Variants in UBE2W observed in about 807,000 individuals in gnomAD.
UBE2W encodes the protein ubiquitin conjugating enzyme E2 W.
In UBE2W, 18 loss-of-function variants were observed where a neutral mutation model predicts 27.2. That is an observed-to-expected ratio of 0.66 (90% CI 0.46 to 0.98). The LOEUF (loss-of-function observed/expected upper bound fraction) is 0.98. Among genes scored for constraint, UBE2W ranks in the 50% least tolerant of loss-of-function variants. The pLI is 0.00. For missense variants in UBE2W, 90 were observed against 180.2 expected, an observed-to-expected ratio of 0.50 and a Z score of 2.87; for synonymous variants, 53 against 57.2, an observed-to-expected ratio of 0.93 and a Z score of 0.33.
At chr8:73,805,237 T>C (rs1029862660) in intron 5 of UBE2W, among the ~76,000 whole-genome samples, 1 of 150,276 alleles carries the variant, frequency 6.7e-6, no homozygotes, top group Admixed American at 6.6e-5. Context: ...GCAGATCACC[T>C]GAGGTCAGGA....
chr8:73,841,921 C>A (rs1320767167), intron 1 of UBE2W, among the ~76,000 whole-genome samples: 1 of 152,014 alleles, frequency 6.6e-6, no homozygotes, highest in Non-Finnish European at 1.5e-5. Flanking sequence ...GAAAAAAATT[C>A]TCCCCTGAAA....
At chr8:73,809,448 G>C (rs1054123371) in intron 4 of UBE2W, among the ~76,000 whole-genome samples, 2 of 152,094 alleles carry the variant, frequency 1.3e-5, no homozygotes, top group Non-Finnish European at 2.9e-5. Context: ...GGATTTAAGA[G>C]GGGTTTTAAA....
intron 5 of UBE2W, among the ~76,000 whole-genome samples, chr8:73,795,406 C>A (rs1563569526): frequency 6.6e-6 from 1 of 152,154 alleles, no homozygotes; most frequent in Non-Finnish European, 1.5e-5. Context: ...TGCCTGCTCT[C>A]CCTTCACCCT....
chr8:73,830,630 G>C (rs1810030060), intron 1 of UBE2W, among the ~76,000 whole-genome samples, 158 bp from the exon 2 acceptor site: 1 of 151,780 alleles, frequency 6.6e-6, no homozygotes, highest in African/African-American at 2.4e-5. Flanking sequence ...GAGACTACAG[G>C]CACACACCAC....
At chr8:73,808,430 G>A (rs1809010357) in intron 4 of UBE2W, among the ~76,000 whole-genome samples, 1 of 152,132 alleles carries the variant, frequency 6.6e-6, no homozygotes, top group Non-Finnish European at 1.5e-5. Context: ...ACAGGGTTTA[G>A]CCATTTTGCC....
Position 73,787,038 on chromosome 8 carries a change from TCCTA to T in UBE2W, c.*7060_*7063del, listed in dbSNP as rs1307540910. 29 of 985,440 alleles carry T rather than the reference TCCTA, an allele frequency of 2.9e-5. No homozygotes were observed. Among genetic ancestry groups the T allele is most frequent in the Middle Eastern group, 5.2e-4 (1 of 1,914 alleles). 61.0% of individuals were successfully genotyped at this position (985,440 alleles called of 1,614,324 possible). On this transcript the variant is annotated 3_prime_UTR_variant, in exon 6 of 6. Coordinates refer to ENST00000602593, the MANE Select transcript of UBE2W (RefSeq NM_018299.6). ...CCAGATACAGACATGAGAAGATATT[TCCTA>T]CCTTAGTTGATAAACTTTCCTTATT... is the stretch of plus-strand genomic sequence containing the variant.
chr8:73,791,207 T>C lies in UBE2W; in HGVS notation c.*2895A>G. On this transcript the variant is annotated 3_prime_UTR_variant, in exon 6 of 6. Transcript: ENST00000602593. ...TAAAATGTATTTTTAAAAAATTCTC[T>C]TAAAAACTGAAAACAATCCTTCTCT... is the stretch of plus-strand genomic sequence containing the variant. 4.1e-6 allele frequency: 4 copies of C among 984,086 alleles called. No individual in the cohort carries two copies. In the South Asian group the frequency reaches 1.9e-4, roughly 46 times the overall value. 61.0% of individuals were successfully genotyped at this position (984,086 alleles called of 1,614,324 possible). A position where few individuals can be genotyped will look rare whatever the true frequency, so the allele number is the denominator to read the frequency against.
intron 1 of UBE2W, among the ~76,000 whole-genome samples, chr8:73,876,653 A>G (rs1021698694): frequency 1.3e-5 from 2 of 152,224 alleles, no homozygotes; most frequent in African/African-American, 4.8e-5. Flanking sequence ...ACTGTCAATC[A>G]AGTATTTGTT....
intron 5 of UBE2W, among the ~76,000 whole-genome samples, chr8:73,796,272 A>G (rs983925473): frequency 1.3e-5 from 2 of 152,146 alleles, no homozygotes; most frequent in African/African-American, 4.8e-5. Context: ...AAGCTAAAAG[A>G]TGGCACTAAA....
At chr8:73,809,514 G>A (rs962378482) in intron 4 of UBE2W, among the ~76,000 whole-genome samples, 4 of 152,274 alleles carry the variant, frequency 2.6e-5, no homozygotes, top group Non-Finnish European at 5.9e-5. Flanking sequence ...AATGACAAGA[G>A]TGTCAGAAGT....
Position 73,791,893 on chromosome 8 carries a change from T to A in UBE2W, c.*2209A>T, listed in dbSNP as rs1563566139. On this transcript the variant is annotated 3_prime_UTR_variant, in exon 6 of 6. Transcript: ENST00000602593. ...GAGAGAGAGGTATGTTAAAATATTG[T>A]CATAAAAAACTCAATTGAGGCTATA... The A allele has an allele frequency of 1.0e-6, 1 of 984,940 alleles. No individual in the cohort carries two copies. The highest frequency in any genetic ancestry group is 4.7e-5 in the South Asian group (1 of 21,282). The allele number at this position is 984,940 out of a possible 1,614,324, so 61.0% of individuals were successfully genotyped here. A position where few individuals can be genotyped will look rare whatever the true frequency, so the allele number is the denominator to read the frequency against.
chr8:73,797,976 C>G (rs936621262), intron 5 of UBE2W, among the ~76,000 whole-genome samples: 2 of 152,176 alleles, frequency 1.3e-5, no homozygotes, highest in African/African-American at 2.4e-5. Context: ...AACTCTGTTT[C>G]ATGCAAAAAA....
At chr8:73,858,293 G>A (rs1447471405) in intron 1 of UBE2W, among the ~76,000 whole-genome samples, 7 of 150,334 alleles carry the variant, frequency 4.7e-5, no homozygotes, top group Non-Finnish European at 8.9e-5. Flanking sequence ...CCTGGGAGGC[G>A]GAGGCTGCAG....
At chr8:73,808,252 T>G (rs574589041) in intron 4 of UBE2W, among the ~76,000 whole-genome samples, 16 of 152,356 alleles carry the variant, frequency 1.1e-4, no homozygotes, top group African/African-American at 3.6e-4. Flanking sequence ...TTTTTCTTTT[T>G]TGAGACAGAG....
At chr8:73,781,771 G>A (rs1208667949), downstream of UBE2W, among the ~76,000 whole-genome samples, 1 of 151,968 alleles carries the variant, frequency 6.6e-6, no homozygotes, top group Admixed American at 6.6e-5. Flanking sequence ...CAGAGATGGA[G>A]TTTCACCATG....
chr8:73,840,005 G>C (rs1340614570), intron 1 of UBE2W, among the ~76,000 whole-genome samples: 1 of 151,252 alleles, frequency 6.6e-6, no homozygotes, highest in East Asian at 1.9e-4. Context: ...CAAAGCACTG[G>C]GATTACAGGT....
At chr8:73,807,565 G>T (rs1257528867) in intron 4 of UBE2W, among the ~76,000 whole-genome samples, 1 of 151,998 alleles carries the variant, frequency 6.6e-6, no homozygotes, top group African/African-American at 2.4e-5. Context: ...GTCAATCTGT[G>T]GACACAATTT....
intron 1 of UBE2W, among the ~76,000 whole-genome samples, chr8:73,846,996 C>T (rs1005166340): frequency 9.9e-5 from 15 of 152,086 alleles, no homozygotes; most frequent in Non-Finnish European, 5.9e-5. Flanking sequence ...AACAAAACCC[C>T]ATTTCTACTA....
At chr8:73,854,021 C>T (rs1180789420) in intron 1 of UBE2W, among the ~76,000 whole-genome samples, 4 of 151,960 alleles carry the variant, frequency 2.6e-5, no homozygotes, top group Admixed American at 6.6e-5. Flanking sequence ...TGGTGGTGCA[C>T]GCTTGTAGTC....
Sources: allele counts gnomAD v4.1 joint callset (sites outside exome capture counted in the v4.1 genomes callset), GRCh38; gene constraint gnomAD v4.1.1; transcripts MANE v1.5; gene names NCBI Gene and HGNC (gene_info 2026-07-23, HGNC 2026-07-21).